The following NR3C1 variants were observed in gnomAD, a reference collection of about 807,000 sequenced individuals.
NR3C1 encodes nuclear receptor subfamily 3 group C member 1.
A neutral mutation model predicts 74.0 loss-of-function variants in NR3C1; 14 were observed. The observed-to-expected ratio is 0.19, with a 90% confidence interval of 0.12 to 0.30. The LOEUF (loss-of-function observed/expected upper bound fraction) is 0.30. NR3C1 is among the 10% of genes least tolerant of loss of function. NR3C1 has a pLI of 1.00. For missense variants in NR3C1, 695 were observed against 909.8 expected (o/e 0.76, Z 3.04); for synonymous variants, 308 against 332.5 (o/e 0.93, Z 0.80).
At chr5:143,402,066 A>C (rs1840386036) in intron 1 of NR3C1, among the ~76,000 whole-genome samples, 1 of 152,180 alleles carries the variant, frequency 6.6e-6, no homozygotes, top group Admixed American at 6.5e-5. Context: ...ACTGGCCCTC[A>C]CTGAAAAGTG....
Position 143,332,700 on chromosome 5 carries a change from C to A in NR3C1, c.1185-18532G>T, listed in dbSNP as rs1034830130. On this transcript the variant is annotated intron_variant, in intron 2 of 8. Transcript: ENST00000394464. ...CTGGCGGCAGAAACGTGACAAGGTG[C>A]GTCTCAGACGACTAGAAGTGAAACC... The A allele has an allele frequency of 3.1e-5, 48 of 1,569,544 alleles. No homozygotes were observed. The African/African-American group carries it at 5.9e-4, about 19-fold the overall frequency.
At chr5:143,407,426 T>G (rs575736211), upstream of NR3C1, 1 of 152,366 alleles carries the variant, frequency 6.6e-6, no homozygotes, top group East Asian at 1.9e-4. Context: ...CTTGATTGTA[T>G]GTTCTTATAG....
chr5:143,335,026 T>C (rs1361607009), intron 2 of NR3C1, among the ~76,000 whole-genome samples: 1 of 152,172 alleles, frequency 6.6e-6, no homozygotes, highest in East Asian at 1.9e-4. Context: ...GACAAGGGTA[T>C]GCAATAGAGA....
intron 1 of NR3C1, chr5:143,402,748 C>T: frequency 1.0e-6 from 1 of 985,404 alleles, no homozygotes. Context: ...GCCGGGGCCT[C>T]CCCGGAGCCC....
At chr5:143,282,853 C>T (rs1420831741) in intron 7 of NR3C1, 128 bp from the exon 8 acceptor site, 2 of 984,412 alleles carry the variant, frequency 2.0e-6, no homozygotes, top group Non-Finnish European at 3.0e-6. Context: ...AATCATAGCT[C>T]ACTGGAGCCT....
intron 1 of NR3C1, among the ~76,000 whole-genome samples, chr5:143,412,521 T>C (rs1332407147): frequency 6.6e-6 from 1 of 152,142 alleles, no homozygotes; most frequent in African/African-American, 2.4e-5. Flanking sequence ...GCTTCTCACT[T>C]CTTCATTCCT....
intron 2 of NR3C1, among the ~76,000 whole-genome samples, chr5:143,354,048 T>C (rs1201861449): frequency 6.6e-6 from 1 of 152,240 alleles, no homozygotes; most frequent in Non-Finnish European, 1.5e-5. Context: ...CACTTTTATG[T>C]TACAGCGCTG....
chr5:143,300,821 A>G lies in NR3C1; in HGVS notation c.1469-58T>C. ...ACTGTAATGGGAAGGTCTGCGCTAC[A>G]CAGTTTATTCAAGAAGTATTTTTAC... is the stretch of plus-strand genomic sequence containing the variant. On this transcript the variant is annotated intron_variant, in intron 4 of 8. Coordinates refer to ENST00000394464, the MANE Select transcript of NR3C1 (RefSeq NM_000176.3). The surrounding 1 kb of genome is among the most constrained non-coding windows in gnomAD (Gnocchi z 5.2). 4 of 1,455,218 alleles carry G rather than the reference A, an allele frequency of 2.7e-6. No individual in the cohort carries two copies. The highest frequency in any genetic ancestry group is 3.8e-6 in the Non-Finnish European group (4 of 1,053,312). The allele number at this position is 1,455,218 out of a possible 1,614,324, so 90.1% of individuals were successfully genotyped here. A position where few individuals can be genotyped will look rare whatever the true frequency, so the allele number is the denominator to read the frequency against.
intron 2 of NR3C1, among the ~76,000 whole-genome samples, chr5:143,337,225 G>T (rs1313910609): frequency 6.6e-6 from 1 of 152,002 alleles, no homozygotes; most frequent in Non-Finnish European, 1.5e-5. Flanking sequence ...TACAATACAG[G>T]AACTCCAAAT....
chr5:143,333,807 T>C (rs368873097), intron 2 of NR3C1, among the ~76,000 whole-genome samples: 79 of 152,090 alleles, frequency 5.2e-4, no homozygotes, highest in African/African-American at 1.8e-3. Context: ...CAAAAAACTA[T>C]TGCTGCAGTC....
At chr5:143,431,877 T>C (rs527291513) in intron 1 of NR3C1, among the ~76,000 whole-genome samples, 4 of 152,146 alleles carry the variant, frequency 2.6e-5, no homozygotes, top group Non-Finnish European at 5.9e-5. Flanking sequence ...GTGGGGCCCC[T>C]GGATGAGTGG....
At chr5:143,286,121 A>G (rs954504374) in intron 7 of NR3C1, among the ~76,000 whole-genome samples, 9 of 152,136 alleles carry the variant, frequency 5.9e-5, no homozygotes, top group African/African-American at 1.9e-4. Context: ...TTTGAAGGAA[A>G]CAGTTAAATT....
chr5:143,396,967 A>G (rs956643810), intron 2 of NR3C1, among the ~76,000 whole-genome samples: 4 of 151,882 alleles, frequency 2.6e-5, no homozygotes, highest in African/African-American at 9.7e-5. Context: ...TTTTAAAAGC[A>G]TATTAAGTTA....
intron 2 of NR3C1, among the ~76,000 whole-genome samples, chr5:143,358,210 A>C (rs571341602): frequency 6.6e-6 from 1 of 152,222 alleles, no homozygotes; most frequent in East Asian, 1.9e-4. Context: ...AGAACTCCCC[A>C]CCTAAGATGT....
chr5:143,435,222 C>G, exon 1 of NR3C1: 1 of 985,470 alleles, frequency 1.0e-6, no homozygotes, highest in South Asian at 4.7e-5. Context: ...TGTTTCTATT[C>G]CTTCCCCACT....
chr5:143,336,317 T>C (rs1827113401), intron 2 of NR3C1, among the ~76,000 whole-genome samples: 1 of 152,210 alleles, frequency 6.6e-6, no homozygotes, highest in Admixed American at 6.5e-5. Flanking sequence ...TAACACATGC[T>C]TTTATTTCAG....
intron 7 of NR3C1, among the ~76,000 whole-genome samples, chr5:143,290,243 G>A (rs976411775): frequency 6.6e-6 from 1 of 152,210 alleles, no homozygotes; most frequent in Admixed American, 6.5e-5. Flanking sequence ...TGGCCTATGG[G>A]CCAAATCCTA....
chr5:143,411,491 G>T (rs368907416), intron 1 of NR3C1, among the ~76,000 whole-genome samples: 10 of 152,046 alleles, frequency 6.6e-5, no homozygotes, highest in African/African-American at 2.2e-4. Context: ...TTCATGTTGG[G>T]ACTTCAGTAC....
chr5:143,338,201 C>T (rs1255707615), intron 2 of NR3C1, among the ~76,000 whole-genome samples: 1 of 152,094 alleles, frequency 6.6e-6, no homozygotes, highest in Non-Finnish European at 1.5e-5. Flanking sequence ...ACAAACCTAC[C>T]GTGCTACCAG....
Sources: gnomAD v4.1 joint callset for allele counts (sites outside exome capture counted in the v4.1 genomes callset) on GRCh38, gnomAD v4.1.1 for gene constraint, Gnocchi (gnomAD v3.1) non-coding constraint, MANE v1.5 for transcripts, NCBI Gene and HGNC (gene_info 2026-07-23, HGNC 2026-07-21) for gene names.